BCL2L13: variants seen among roughly 807,000 people sequenced by gnomAD.
BCL2L13 encodes the protein bcl-2-like protein 13.
Under a neutral mutation model 25.8 loss-of-function variants are expected in BCL2L13, and 13 were observed. The observed-to-expected ratio is 0.50, with a 90% CI of 0.33 to 0.80. BCL2L13 has a LOEUF of 0.80. Among genes scored for constraint, BCL2L13 ranks in the 30% least tolerant of loss-of-function variants. The pLI is 0.02. For missense variants in BCL2L13, 504 were observed against 574.9 expected (o/e 0.88, Z 1.26); for synonymous variants, 244 against 230.3 (o/e 1.06, Z -0.54).
Position 17,629,044 on chromosome 22 carries a change from T to A in BCL2L13, c.-650+39T>A, listed in dbSNP as rs895382946. The A allele has an allele frequency of 4.5e-5, 10 of 223,984 alleles. No homozygotes were observed. The Admixed American group carries it at 4.5e-4, about 10-fold the overall frequency. The allele number at this position is 223,984 out of a possible 1,614,324, so 13.9% of individuals were successfully genotyped here. ...TGTGCCTTTATTGGAATTTTTCGCA[T>A]AATTACACAGGGTTATGGGCTTAGG... is the stretch of plus-strand genomic sequence containing the variant. On this transcript the variant is annotated intron_variant, in intron 1 of 6. Coordinates refer to the BCL2L13 transcript ENST00000399782.
rs778828085 is a variant in BCL2L13, at chr22:17,727,452, C to T, written c.1376C>T (p.Ser459Phe). ...CCCATGCCGCTGTCTGAGGGCAAGTCTATACTGCTGTTTGGAGGGGCTGCT... is the reference window on the plus strand; with the variant it reads ...CCCATGCCGCTGTCTGAGGGCAAGTTTATACTGCTGTTTGGAGGGGCTGCT... ...MKPMPLSEGK[S>F]ILLFGGAAAV... The change falls in exon 7 of 7, where the codon TCT becomes TTT. Residue 459 changes from serine (S) to phenylalanine (F), a missense_variant. Ser to Phe is a radical substitution (Grantham distance 155, BLOSUM62 -2). Coordinates refer to ENST00000317582, the MANE Select transcript of BCL2L13 (RefSeq NM_015367.4). The T allele has an allele frequency of 6.2e-7, 1 of 1,614,254 alleles. No individual in the cohort carries two copies. Among genetic ancestry groups the T allele is most frequent in the South Asian group, 1.1e-5 (1 of 91,092 alleles).
intron 6 of BCL2L13, among the ~76,000 whole-genome samples, chr22:17,708,051 CCTTTA>C (rs1460952969): frequency 6.6e-6 from 1 of 151,874 alleles, no homozygotes; most frequent in East Asian, 1.9e-4. Flanking sequence ...TTGATACGTT[CCTTTA>C]CTTAGTTTTT....
intron 6 of BCL2L13, among the ~76,000 whole-genome samples, chr22:17,715,538 C>T (rs1479252330): frequency 6.6e-6 from 1 of 151,962 alleles, no homozygotes; most frequent in Non-Finnish European, 1.5e-5. Flanking sequence ...TGTATTGAAT[C>T]CTGTGAGGCA....
intron 6 of BCL2L13, among the ~76,000 whole-genome samples, chr22:17,706,314 TTC>T (rs913171367): frequency 6.6e-6 from 1 of 151,938 alleles, no homozygotes; most frequent in Non-Finnish European, 1.5e-5. Context: ...CCAGCCTGTT[TTC>T]TCTTTCTACC....
intron 2 of BCL2L13, among the ~76,000 whole-genome samples, chr22:17,682,449 G>A (rs1006625261): frequency 2.0e-5 from 3 of 152,130 alleles, no homozygotes; most frequent in African/African-American, 7.2e-5. Context: ...TACAATTAGG[G>A]ATCTATATAA....
intron 1 of BCL2L13, among the ~76,000 whole-genome samples, chr22:17,631,668 G>GTATA (rs869084263): frequency 9.6e-4 from 21 of 21,854 alleles, no homozygotes; most frequent in African/African-American, 2.9e-3. Flanking sequence ...ATGTGTGTGT[G>GTATA]TGTATATATA....
rs540513877 is a variant in BCL2L13, at chr22:17,689,619, C to T, written c.386+477C>T. 5.0e-4 allele frequency among the ~76,000 whole-genome samples: 76 copies of T among 151,200 alleles called. No individual in the cohort carries two copies. The East Asian group carries it at 5.8e-3, about 11-fold the overall frequency. ...CAGCACTTTGGGAGGCCGAGGTGGG[C>T]GGATTATGAGGTCAGGAGTTCAAGA... On this transcript the variant is annotated intron_variant, in intron 4 of 6. Transcript: ENST00000317582.
intron 6 of BCL2L13, among the ~76,000 whole-genome samples, chr22:17,711,014 A>G (rs113818683): frequency 1.3e-5 from 2 of 152,172 alleles, no homozygotes; most frequent in South Asian, 2.1e-4. Flanking sequence ...ATGTGGAACA[A>G]AGAACGTTCT....
chr22:17,703,884 A>G (rs1376071979), intron 6 of BCL2L13, among the ~76,000 whole-genome samples: 1 of 152,196 alleles, frequency 6.6e-6, no homozygotes, highest in Non-Finnish European at 1.5e-5. Context: ...GTTAACTGCC[A>G]TTTATCCCAT....
At chr22:17,722,718 T>C (rs1315339201) in intron 6 of BCL2L13, among the ~76,000 whole-genome samples, 1 of 152,170 alleles carries the variant, frequency 6.6e-6, no homozygotes, top group Non-Finnish European at 1.5e-5. Context: ...TAGTTGTCAA[T>C]TTCCATAAGA....
At chr22:17,628,972 A>G (rs2057946683) in exon 1 of BCL2L13, 1 of 396,952 alleles carries the variant, frequency 2.5e-6, no homozygotes, top group African/African-American at 2.0e-5. Flanking sequence ...CTCTATCTGA[A>G]ATTAGTCGGG....
chr22:17,689,583 G>T (rs1278689315), intron 4 of BCL2L13, among the ~76,000 whole-genome samples: 2 of 152,128 alleles, frequency 1.3e-5, no homozygotes, highest in African/African-American at 4.8e-5. Context: ...GGTGGCTCAC[G>T]CCTGTAATCC....
chr22:17,691,578 G>A (rs1019047323), intron 4 of BCL2L13, among the ~76,000 whole-genome samples: 30 of 152,168 alleles, frequency 2.0e-4, no homozygotes, highest in African/African-American at 6.7e-4. Flanking sequence ...CCTGGGAGGC[G>A]GAGCTTGCAG....
intron 1 of BCL2L13, among the ~76,000 whole-genome samples, chr22:17,629,815 T>TCACACA (rs200829236): frequency 6.9e-5 from 8 of 115,268 alleles, no homozygotes; most frequent in African/African-American, 3.5e-4. Context: ...CACTTTATTT[T>TCACACA]CATACACACA....
chr22:17,669,223 G>A (rs898120815), intron 2 of BCL2L13, among the ~76,000 whole-genome samples: 3 of 151,778 alleles, frequency 2.0e-5, no homozygotes, highest in Admixed American at 6.6e-5. Flanking sequence ...TAGTAGAGAC[G>A]GGGTTTCACC....
intron 1 of BCL2L13, among the ~76,000 whole-genome samples, chr22:17,655,054 T>C (rs1224518315): frequency 3.4e-5 from 3 of 87,066 alleles, no homozygotes; most frequent in Non-Finnish European, 6.8e-5. Context: ...TTTTTTCTGT[T>C]TTTAAATTTT....
intron 6 of BCL2L13, among the ~76,000 whole-genome samples, chr22:17,725,449 G>A (rs1260075883): frequency 1.3e-5 from 2 of 152,110 alleles, no homozygotes; most frequent in Non-Finnish European, 2.9e-5. Context: ...TCAGATGTCT[G>A]ATAGAAATGC....
At chr22:17,643,031 C>A (rs73376758) in intron 1 of BCL2L13, among the ~76,000 whole-genome samples, 1 of 152,088 alleles carries the variant, frequency 6.6e-6, no homozygotes, top group Admixed American at 6.6e-5. Context: ...ATACAGGAAG[C>A]CTAATTATTG....
intron 1 of BCL2L13, among the ~76,000 whole-genome samples, chr22:17,642,327 T>A (rs1235651566): frequency 6.6e-6 from 1 of 151,778 alleles, no homozygotes; most frequent in Non-Finnish European, 1.5e-5. Context: ...CCCAGCTAAT[T>A]TTTGTATTTT....
Sources: gnomAD v4.1 joint callset for allele counts (sites outside exome capture counted in the v4.1 genomes callset) on GRCh38, gnomAD v4.1.1 for gene constraint, MANE v1.5 for transcripts, NCBI Gene and HGNC (gene_info 2026-07-23, HGNC 2026-07-21) for gene names.